Variants in RYR3 observed in about 807,000 individuals in gnomAD.
The protein encoded by RYR3 is brain ryanodine receptor-calcium release channel.
RYR3 carries 207 observed loss-of-function variants against 584.3 expected under a neutral mutation model. That is an observed-to-expected ratio of 0.35 (90% CI 0.32 to 0.40). The LOEUF is 0.40. RYR3 is among the 10% of genes least tolerant of loss of function. The probability of loss-of-function intolerance (pLI) is 1.00; values close to 1 mark genes in which losing one functional copy is unlikely to be tolerated. For synonymous variants in RYR3, 2,416 were observed against 2,248.5 expected (o/e 1.07, Z -2.11); for missense variants, 5,616 against 6,089.2 (o/e 0.92, Z 2.59).
At chr15:33,518,961 C>G (rs74367405) in intron 3 of RYR3, among the ~76,000 whole-genome samples, 1 of 152,278 alleles carries the variant, frequency 6.6e-6, no homozygotes, top group South Asian at 2.1e-4. Flanking sequence ...GCACAGAAAC[C>G]GGAGTGAGAA....
At position 33,740,004 on chromosome 15, in the gene RYR3, A is replaced by G. The variant is rs770979117; in HGVS notation, c.7820+9A>G. Reference sequence around the variant, plus strand: ...CCTATTAACACCATGAAGTGAGTCCAGAATCATCTCTGAGCTGGTGCTGTA... The same window carrying G: ...CCTATTAACACCATGAAGTGAGTCCGGAATCATCTCTGAGCTGGTGCTGTA... On this transcript the variant is annotated intron_variant, in intron 51 of 103. Coordinates refer to ENST00000634891, the MANE Select transcript of RYR3 (RefSeq NM_001036.6). The G allele has an allele frequency of 6.2e-7, 1 of 1,613,226 alleles. No individual in the cohort carries two copies. The highest frequency in any genetic ancestry group is 1.7e-5 in the Admixed American group (1 of 60,002).
Position 33,581,560 on chromosome 15 carries a change from G to C in RYR3, c.1490G>C (p.Ser497Thr). The C allele has an allele frequency of 6.2e-7, 1 of 1,613,468 alleles. No homozygotes were observed. The highest frequency in any genetic ancestry group is 8.5e-7 in the Non-Finnish European group (1 of 1,179,450). Residue 497 changes from serine to threonine, a missense_variant, in exon 14 of 104, where the codon AGC (serine) becomes ACC (threonine). Coordinates refer to ENST00000634891, the MANE Select transcript of RYR3 (RefSeq NM_001036.6). ...ATTGACCGCTTAAATGTCTACAATAGCGTAGCACACTTTGCAGGGATTGCA... is the reference window on the plus strand; with the variant it reads ...ATTGACCGCTTAAATGTCTACAATACCGTAGCACACTTTGCAGGGATTGCA... The part of the protein sequence containing the change: ...NCIDRLNVYN[S>T]VAHFAGIARE...
At chr15:33,805,634 C>T (rs1264003258) in intron 69 of RYR3, among the ~76,000 whole-genome samples, 14 of 151,944 alleles carry the variant, frequency 9.2e-5, no homozygotes, top group South Asian at 4.2e-4. Flanking sequence ...CCCGCCACCA[C>T]GCCCGGCTAA....
chr15:33,749,239 C>T (rs909457272), intron 55 of RYR3, among the ~76,000 whole-genome samples: 7 of 152,160 alleles, frequency 4.6e-5, no homozygotes, highest in Non-Finnish European at 7.4e-5. Flanking sequence ...ACAGCCCACA[C>T]GTCCCACAGT....
chr15:33,830,505 G>C (rs972633961), intron 85 of RYR3, among the ~76,000 whole-genome samples: 1 of 152,156 alleles, frequency 6.6e-6, no homozygotes, highest in Non-Finnish European at 1.5e-5. Flanking sequence ...TCAACATTTT[G>C]TATGACTCAC....
At chr15:33,813,904 G>T (rs1487688942) in intron 74 of RYR3, among the ~76,000 whole-genome samples, 1 of 152,206 alleles carries the variant, frequency 6.6e-6, no homozygotes, top group Non-Finnish European at 1.5e-5. Context: ...TGGAAAAAGA[G>T]AAACTGTTTT....
intron 69 of RYR3, among the ~76,000 whole-genome samples, chr15:33,804,891 A>G (rs1311625620): frequency 6.6e-6 from 1 of 152,220 alleles, no homozygotes; most frequent in Non-Finnish European, 1.5e-5. Context: ...GTATGTGTAT[A>G]TGAATGCCCT....
chr15:33,852,224 C>G (rs2079177332), intron 94 of RYR3: 1 of 152,120 alleles, frequency 6.6e-6, no homozygotes, highest in African/African-American at 2.4e-5. Context: ...GACTCCTAGG[C>G]TGCAATCCAG....
At chr15:33,339,886 CT>C (rs1298941478) in intron 1 of RYR3, among the ~76,000 whole-genome samples, 2 of 81,040 alleles carry the variant, frequency 2.5e-5, no homozygotes, top group African/African-American at 9.5e-5. Flanking sequence ...AAGACTCCGT[CT>C]CAAAAAAAAA....
At chr15:33,504,432 T>C (rs2052283479) in intron 3 of RYR3, among the ~76,000 whole-genome samples, 1 of 152,210 alleles carries the variant, frequency 6.6e-6, no homozygotes, top group African/African-American at 2.4e-5. Flanking sequence ...CCTGAATATC[T>C]CAAATTCAAC....
intron 17 of RYR3, among the ~76,000 whole-genome samples, chr15:33,601,823 T>C (rs1228022908): frequency 6.6e-6 from 1 of 152,250 alleles, no homozygotes; most frequent in African/African-American, 2.4e-5. Context: ...TGAGGTGGCC[T>C]ACCGTGTTTT....
At chr15:33,705,101 T>TCTCTCTCTC (rs1156781766) in intron 42 of RYR3, among the ~76,000 whole-genome samples, 11 of 142,216 alleles carry the variant, frequency 7.7e-5, no homozygotes, top group African/African-American at 1.9e-4. Flanking sequence ...CACACACTCT[T>TCTCTCTCTC]TCTCTCTCTC....
rs558768466 is a variant in RYR3, at chr15:33,444,717, T to C, written c.52-28702T>C. On this transcript the variant is annotated intron_variant, in intron 1 of 103. Coordinates refer to ENST00000634891, the MANE Select transcript of RYR3 (RefSeq NM_001036.6). ...GGGTCAACCACCCACACAGCAAAGC[T>C]GGCAAAAGAGCATTGCAGGTGGAGA... 4.1e-4 allele frequency among the ~76,000 whole-genome samples: 63 copies of C among 152,280 alleles called. 2 individuals carry two copies. The highest frequency in any genetic ancestry group is 4.0e-3 in the Admixed American group (61 of 15,286).
intron 1 of RYR3, among the ~76,000 whole-genome samples, chr15:33,351,527 C>T (rs927281201): frequency 1.6e-4 from 24 of 148,206 alleles, no homozygotes; most frequent in East Asian, 4.0e-4. Flanking sequence ...ACTGGCAAAC[C>T]GAATCCAGCA....
chr15:33,395,405 T>A (rs960690851), intron 1 of RYR3, among the ~76,000 whole-genome samples: 1 of 152,252 alleles, frequency 6.6e-6, no homozygotes, highest in Admixed American at 6.5e-5. Context: ...AAACTTAAAA[T>A]GGAACCACTT....
intron 43 of RYR3, among the ~76,000 whole-genome samples, chr15:33,710,682 C>T (rs1566999861): frequency 6.6e-6 from 1 of 152,188 alleles, no homozygotes; most frequent in Non-Finnish European, 1.5e-5. Context: ...TCCATACATC[C>T]TCTGAAATCT....
At chr15:33,473,228 G>C (rs2049077667) in intron 1 of RYR3, 191 bp from the exon 2 acceptor site, 1 of 743,560 alleles carries the variant, frequency 1.3e-6, no homozygotes, top group Non-Finnish European at 2.4e-6. Context: ...GTAGAGTTCT[G>C]ACTCACGGTA....
chr15:33,596,500 G>T (rs1445705100), intron 16 of RYR3, among the ~76,000 whole-genome samples: 1 of 147,354 alleles, frequency 6.8e-6, no homozygotes, highest in Non-Finnish European at 1.5e-5. Context: ...TTTTTTGGGG[G>T]GGGGGGATTT....
At position 33,757,496 on chromosome 15, in the gene RYR3, C is replaced by G. The variant is rs1161123776; in HGVS notation, c.8605C>G (p.Gln2869Glu). Reference sequence around the variant, plus strand: ...CCAGGTTCTCCTCCCGCTGGTTGACCAGTACTTCACCAGTCATTGCCTCTA... The same window carrying G: ...CCAGGTTCTCCTCCCGCTGGTTGACGAGTACTTCACCAGTCATTGCCTCTA... Reference protein sequence around the residue: ...FAKVLLPLVDQYFTSHCLYFL... With the variant: ...FAKVLLPLVDEYFTSHCLYFL... The change falls in exon 60 of 104, where the codon CAG becomes GAG. Residue 2869 changes from glutamine (Q) to glutamate (E), a missense_variant. Gln to Glu is a conservative substitution (Grantham distance 29). This residue lies in a region of RYR3 where 1,280 missense variants were observed against 1,426.2 expected (regional missense o/e 0.90). Coordinates refer to ENST00000634891, the MANE Select transcript of RYR3 (RefSeq NM_001036.6). 1 of 1,608,802 alleles carries G rather than the reference C, an allele frequency of 6.2e-7. No homozygotes were observed. Among genetic ancestry groups the G allele is most frequent in the Admixed American group, 1.7e-5 (1 of 59,402 alleles).
Sources: allele counts gnomAD v4.1 joint callset (sites outside exome capture counted in the v4.1 genomes callset), GRCh38; gene constraint gnomAD v4.1.1; regional missense constraint gnomAD v4.1.1; transcripts MANE v1.5; gene names NCBI Gene and HGNC (gene_info 2026-07-23, HGNC 2026-07-21).